Variants in CSRNP3 observed in about 807,000 individuals in gnomAD.
CSRNP3 encodes cysteine/serine-rich nuclear protein 3.
In CSRNP3, 12 loss-of-function variants were observed where a neutral mutation model predicts 48.0. The observed-to-expected ratio is 0.25, with a 90% CI of 0.16 to 0.41. The LOEUF (loss-of-function observed/expected upper bound fraction) is 0.41. Among genes scored for constraint, CSRNP3 ranks in the 10% least tolerant of loss-of-function variants. The pLI is 1.00. For missense variants in CSRNP3, 580 were observed against 724.4 expected, an observed-to-expected ratio of 0.80 and a Z score of 2.29; for synonymous variants, 263 against 269.7, an observed-to-expected ratio of 0.98 and a Z score of 0.24.
chr2:165,563,854 A>T (rs549944579), intron 3 of CSRNP3, among the ~76,000 whole-genome samples: 10 of 152,198 alleles, frequency 6.6e-5, no homozygotes, highest in African/African-American at 2.4e-4. Context: ...GCTTCTGAAG[A>T]TCTTCCTCCA....
chr2:165,634,939 A>G (rs1214570685), intron 4 of CSRNP3, among the ~76,000 whole-genome samples: 1 of 152,220 alleles, frequency 6.6e-6, no homozygotes, highest in Non-Finnish European at 1.5e-5. Context: ...ATTTCCCCAG[A>G]GTGCTAACAG....
chr2:165,624,575 G>A (rs1686397024), intron 4 of CSRNP3, among the ~76,000 whole-genome samples: 1 of 152,032 alleles, frequency 6.6e-6, no homozygotes, highest in Non-Finnish European at 1.5e-5. Context: ...TGTTATACTG[G>A]TGCCTCATAA....
chr2:165,487,892 G>A (rs1443852394), intron 1 of CSRNP3, among the ~76,000 whole-genome samples: 1 of 142,884 alleles, frequency 7.0e-6, no homozygotes, highest in East Asian at 2.1e-4. Flanking sequence ...ATCAACTAAT[G>A]AGCAAAATCA....
rs1005514424 is a variant in CSRNP3, at chr2:165,563,624, G to A, written c.-23-31419G>A. Among the ~76,000 whole-genome samples the A allele has an allele frequency of 7.2e-5, 11 of 151,998 alleles. No individual in the cohort carries two copies. The South Asian group carries it at 1.5e-3, about 20-fold the overall frequency. ...ACAAAATTCAGTGACAATATGCTTA[G>A]GTTCAGAAAACTTCAGCACCAGGTC... On this transcript the variant is annotated intron_variant, in intron 3 of 6. Coordinates refer to ENST00000651982, the MANE Select transcript of CSRNP3 (RefSeq NM_001172173.2).
intron 5 of CSRNP3, among the ~76,000 whole-genome samples, chr2:165,663,431 G>A (rs1687129792): frequency 6.6e-6 from 1 of 152,144 alleles, no homozygotes. Context: ...GGAAAACTTT[G>A]ATGTGCTCAA....
chr2:165,555,874 A>C (rs980416175), intron 3 of CSRNP3, among the ~76,000 whole-genome samples: 1 of 152,108 alleles, frequency 6.6e-6, no homozygotes, highest in Non-Finnish European at 1.5e-5. Context: ...GGGAATAAAA[A>C]CAATATAGGA....
At chr2:165,659,330 T>C (rs56775918) in intron 5 of CSRNP3, among the ~76,000 whole-genome samples, 67,750 of 151,902 alleles carry the variant, frequency 0.45, 15,128 homozygotes, top group East Asian at 0.55. Context: ...CAGTGCTTAA[T>C]GACAGGTTGG....
intron 3 of CSRNP3, among the ~76,000 whole-genome samples, chr2:165,532,071 C>T (rs1212113099): frequency 9.2e-5 from 14 of 152,130 alleles, no homozygotes; most frequent in Admixed American, 1.3e-4. Context: ...CAATCAATAG[C>T]TTACCAACCA....
intron 5 of CSRNP3, among the ~76,000 whole-genome samples, chr2:165,663,287 G>C (rs890012371): frequency 5.9e-5 from 9 of 152,156 alleles, no homozygotes; most frequent in Non-Finnish European, 2.9e-5. Flanking sequence ...GTCAGAACCT[G>C]CTGGTCATGA....
chr2:165,605,476 T>A (rs1685993912), intron 4 of CSRNP3, among the ~76,000 whole-genome samples: 1 of 151,718 alleles, frequency 6.6e-6, no homozygotes, highest in African/African-American at 2.4e-5. Context: ...AGAAAAAAAA[T>A]GATAGATATA....
At chr2:165,476,848 C>T (rs760844009) in intron 1 of CSRNP3, among the ~76,000 whole-genome samples, 5 of 152,122 alleles carry the variant, frequency 3.3e-5, no homozygotes, top group Non-Finnish European at 7.3e-5. Flanking sequence ...CAGAATTTGG[C>T]GTATAGTAAG....
At chr2:165,573,831 T>C (rs1027285843) in intron 3 of CSRNP3, among the ~76,000 whole-genome samples, 2 of 151,996 alleles carry the variant, frequency 1.3e-5, no homozygotes, top group African/African-American at 4.8e-5. Flanking sequence ...ATACGTGCAA[T>C]ATGTATTTGA....
intron 3 of CSRNP3, chr2:165,572,569 A>T (rs1379033501): frequency 6.6e-6 from 1 of 152,190 alleles, no homozygotes; most frequent in East Asian, 1.9e-4. Context: ...AAGGACTAAG[A>T]CTACAGTTAT....
At chr2:165,506,529 C>G (rs1684428482) in intron 2 of CSRNP3, among the ~76,000 whole-genome samples, 1 of 152,144 alleles carries the variant, frequency 6.6e-6, no homozygotes, top group African/African-American at 2.4e-5. Flanking sequence ...GCAACAACCT[C>G]TCCAGGGATT....
intron 3 of CSRNP3, among the ~76,000 whole-genome samples, chr2:165,541,434 C>T (rs1000261683): frequency 2.0e-5 from 3 of 152,022 alleles, no homozygotes; most frequent in Admixed American, 6.6e-5. Context: ...CCTAAGGCCT[C>T]TCTCCTCTGT....
At chr2:165,531,730 G>C (rs1321674727) in intron 3 of CSRNP3, among the ~76,000 whole-genome samples, 1 of 152,112 alleles carries the variant, frequency 6.6e-6, no homozygotes, top group Non-Finnish European at 1.5e-5. Context: ...GAAGGAAATA[G>C]AGACACAAAA....
intron 3 of CSRNP3, chr2:165,572,545 T>A (rs1478629083): frequency 6.6e-6 from 1 of 152,192 alleles, no homozygotes; most frequent in Non-Finnish European, 1.5e-5. Flanking sequence ...TGGATCCTAA[T>A]GAATAAAGAG....
In CSRNP3 at chr2:165,630,931, G is replaced by A. The variant is rs143022223; in HGVS notation, c.149-26830G>A. On this transcript the variant is annotated intron_variant, in intron 4 of 6. Coordinates refer to ENST00000651982, the MANE Select transcript of CSRNP3 (RefSeq NM_001172173.2). ...GAGATTTGTGAATGAATACCCCAGG[G>A]AGGCTAATTATTTGTTAACGTTTCT... 2.6e-5 allele frequency among the ~76,000 whole-genome samples: 4 copies of A among 152,254 alleles called. No individual in the cohort carries two copies. In the East Asian group the frequency reaches 7.7e-4, roughly 29 times the overall value.
At chr2:165,574,922 T>A (rs1685424514) in intron 3 of CSRNP3, among the ~76,000 whole-genome samples, 1 of 152,166 alleles carries the variant, frequency 6.6e-6, no homozygotes, top group Non-Finnish European at 1.5e-5. Flanking sequence ...GGTTTTGGTT[T>A]TGAGGGTTTT....
Sources: allele counts gnomAD v4.1 joint callset (sites outside exome capture counted in the v4.1 genomes callset), GRCh38; gene constraint gnomAD v4.1.1; transcripts MANE v1.5; gene names NCBI Gene and HGNC (gene_info 2026-07-23, HGNC 2026-07-21).